ALDH1A2: variants seen among roughly 807,000 people sequenced by gnomAD.
The protein encoded by ALDH1A2 is retinal dehydrogenase 2.
Under a neutral mutation model 60.3 loss-of-function variants are expected in ALDH1A2, and 27 were observed. The ratio of observed to expected loss-of-function variants is 0.45; its 90% CI spans 0.33 to 0.62. The LOEUF is 0.62. Ranked by LOEUF, ALDH1A2 falls within the 20% of genes least tolerant of loss-of-function variation. ALDH1A2 has a pLI of 0.02. For missense variants in ALDH1A2, 581 were observed against 643.8 expected (o/e 0.90, Z 1.06); for synonymous variants, 289 against 232.4 (o/e 1.24, Z -2.21).
chr15:58,061,374 G>C (rs188940816), intron 1 of ALDH1A2, among the ~76,000 whole-genome samples: 3 of 151,792 alleles, frequency 2.0e-5, no homozygotes, highest in African/African-American at 4.8e-5. Flanking sequence ...GAAGGATCTA[G>C]ATCCACACCT....
chr15:58,052,376 CA>C (rs1364254949), intron 1 of ALDH1A2, among the ~76,000 whole-genome samples: 1 of 152,180 alleles, frequency 6.6e-6, no homozygotes, highest in African/African-American at 2.4e-5. Context: ...TCTAATCCAA[CA>C]CTTTTAAAAA....
chr15:57,993,213 C>A, intron 5 of ALDH1A2, 140 bp from the exon 6 acceptor site: 1 of 1,040,744 alleles, frequency 9.6e-7, no homozygotes, highest in East Asian at 2.6e-5. Flanking sequence ...TTTGGATTTT[C>A]AATTACTTCA....
At position 58,048,078 on chromosome 15, in the gene ALDH1A2, T is replaced by A. The variant is rs545050732; in HGVS notation, c.117+17456A>T. Among the ~76,000 whole-genome samples the A allele has an allele frequency of 2.6e-5, 4 of 152,122 alleles. No individual in the cohort carries two copies. The East Asian group carries it at 7.8e-4, about 30-fold the overall frequency. On this transcript the variant is annotated intron_variant, in intron 1 of 12. Transcript: ENST00000249750. ...TGCAGGCCCTGAACCCCACTTATGC[T>A]GAGTCCTAAGCTGAAAGTCAGGAAA...
At chr15:58,027,576 G>A (rs552979837) in intron 1 of ALDH1A2, among the ~76,000 whole-genome samples, 2 of 152,268 alleles carry the variant, frequency 1.3e-5, no homozygotes, top group African/African-American at 2.4e-5. Context: ...GTAGGCTTCA[G>A]AAGGTCGGTA....
chr15:58,027,727 A>G (rs1896117842), intron 1 of ALDH1A2, among the ~76,000 whole-genome samples: 1 of 152,146 alleles, frequency 6.6e-6, no homozygotes, highest in Non-Finnish European at 1.5e-5. Flanking sequence ...GCTGAAAACC[A>G]TGGCACCAGA....
intron 7 of ALDH1A2, among the ~76,000 whole-genome samples, chr15:57,978,777 C>T (rs1327693344): frequency 6.6e-6 from 1 of 152,180 alleles, no homozygotes; most frequent in Non-Finnish European, 1.5e-5. Flanking sequence ...TGGCTCACGC[C>T]TGTAATCTCA....
At chr15:57,991,417 G>A (rs531377880) in intron 7 of ALDH1A2, 1 of 152,230 alleles carries the variant, frequency 6.6e-6, no homozygotes, top group African/African-American at 2.4e-5. Context: ...TAATCTAACT[G>A]AATTAATATT....
intron 8 of ALDH1A2, chr15:57,964,639 G>A (rs774314360): frequency 2.7e-4 from 41 of 154,196 alleles, no homozygotes; most frequent in Admixed American, 5.1e-4. Flanking sequence ...GGATTAAACC[G>A]TAACACCAAT....
intron 1 of ALDH1A2, among the ~76,000 whole-genome samples, chr15:58,017,592 A>T (rs1361802284): frequency 6.6e-6 from 1 of 152,156 alleles, no homozygotes; most frequent in Admixed American, 6.5e-5. Context: ...AGATCTGTTT[A>T]AAATCTGGAG....
At chr15:58,038,187 T>C (rs1052432369) in intron 1 of ALDH1A2, among the ~76,000 whole-genome samples, 3 of 151,738 alleles carry the variant, frequency 2.0e-5, no homozygotes, top group Non-Finnish European at 4.4e-5. Context: ...CTCAGTGTCT[T>C]CTCTATTCTA....
chr15:57,959,270 T>C (rs1269239266), intron 12 of ALDH1A2, among the ~76,000 whole-genome samples: 2 of 151,858 alleles, frequency 1.3e-5, no homozygotes, highest in African/African-American at 4.8e-5. Flanking sequence ...AGCACAGACA[T>C]AGAGGAAGGA....
At chr15:58,017,502 A>G (rs1036939833) in intron 1 of ALDH1A2, among the ~76,000 whole-genome samples, 1 of 152,318 alleles carries the variant, frequency 6.6e-6, no homozygotes, top group East Asian at 1.9e-4. Context: ...TGAACCCTCA[A>G]ATTTCTCCAT....
chr15:57,994,082 G>C (rs1169894900), intron 5 of ALDH1A2, among the ~76,000 whole-genome samples: 4 of 152,186 alleles, frequency 2.6e-5, no homozygotes, highest in African/African-American at 9.7e-5. Flanking sequence ...CTCTTGTCCT[G>C]TCAGTGAAGC....
chr15:57,965,698 C>T, intron 8 of ALDH1A2, 27 bp downstream of exon 8: 1 of 1,512,514 alleles, frequency 6.6e-7, no homozygotes, highest in Non-Finnish European at 9.2e-7. Flanking sequence ...TGTGGTGGTT[C>T]ATGTATGGGA....
At chr15:58,031,214 A>T (rs1009106021) in intron 1 of ALDH1A2, among the ~76,000 whole-genome samples, 4 of 152,174 alleles carry the variant, frequency 2.6e-5, no homozygotes, top group Admixed American at 2.0e-4. Flanking sequence ...AACACCACAC[A>T]TCTACAACCA....
At chr15:58,040,508 C>A (rs868185587) in intron 1 of ALDH1A2, among the ~76,000 whole-genome samples, 2 of 151,856 alleles carry the variant, frequency 1.3e-5, no homozygotes, top group Admixed American at 6.6e-5. Flanking sequence ...ATCTAGATAA[C>A]AAATCTACGA....
chr15:57,998,651 C>T (rs1277900044), intron 4 of ALDH1A2, among the ~76,000 whole-genome samples: 1 of 152,002 alleles, frequency 6.6e-6, no homozygotes, highest in South Asian at 2.1e-4. Context: ...AAATTCAATG[C>T]TATTGTCATT....
At position 57,997,513 on chromosome 15, in the gene ALDH1A2, G is replaced by A. The variant is rs115506338; in HGVS notation, c.494-2374C>T. 2.4e-3 allele frequency among the ~76,000 whole-genome samples: 361 copies of A among 151,922 alleles called. 1 individual carries two copies. The highest frequency in any genetic ancestry group is 8.4e-3 in the African/African-American group (348 of 41,470). On this transcript the variant is annotated intron_variant, in intron 4 of 12. Transcript: ENST00000249750. The stretch of plus-strand genomic sequence containing the variant: ...GGAAGATGAACAGAAGAGTACACGT[G>A]TTTATTTTAGCAGCACATGTAGGAA...
chr15:58,046,413 C>G (rs998855187), intron 1 of ALDH1A2, among the ~76,000 whole-genome samples: 5 of 151,946 alleles, frequency 3.3e-5, no homozygotes, highest in Non-Finnish European at 5.9e-5. Flanking sequence ...AGGGTCATAT[C>G]TATGTATGTA....
Sources: allele counts gnomAD v4.1 joint callset (sites outside exome capture counted in the v4.1 genomes callset), GRCh38; gene constraint gnomAD v4.1.1; transcripts MANE v1.5; gene names NCBI Gene and HGNC (gene_info 2026-07-23, HGNC 2026-07-21).